GTF2A1: variants seen among roughly 807,000 people sequenced by gnomAD.
The protein encoded by GTF2A1 is transcription initiation factor IIA subunit 1.
In GTF2A1, 12 loss-of-function variants were observed where a neutral mutation model predicts 54.1. The ratio of observed to expected loss-of-function variants is 0.22; its 90% CI spans 0.14 to 0.36. GTF2A1 has a LOEUF of 0.36. Among genes scored for constraint, GTF2A1 ranks in the 10% least tolerant of loss-of-function variants. The pLI, the probability that GTF2A1 is intolerant of heterozygous loss-of-function variation, is 1.00. For synonymous variants in GTF2A1, 145 were observed against 152.0 expected (o/e 0.95, Z 0.34); for missense variants, 335 against 442.2 (o/e 0.76, Z 2.17).
intron 2 of GTF2A1, among the ~76,000 whole-genome samples, chr14:81,205,312 A>T (rs933895407): frequency 6.6e-6 from 1 of 152,120 alleles, no homozygotes; most frequent in Non-Finnish European, 1.5e-5. Context: ...CATTCCAGAC[A>T]TTCTAGATTT....
chr14:81,212,417 A>C (rs1188240372), intron 2 of GTF2A1, among the ~76,000 whole-genome samples: 1 of 152,118 alleles, frequency 6.6e-6, no homozygotes, highest in Admixed American at 6.5e-5. Flanking sequence ...TGTTTTTTCT[A>C]CCTCTCACAG....
intron 3 of GTF2A1, 115 bp downstream of exon 3, chr14:81,203,785 G>T: frequency 1.2e-6 from 1 of 815,116 alleles, no homozygotes. Context: ...TTTATTTTTA[G>T]GTTCTCCATG....
chr14:81,177,070 G>A lies in GTF2A1; in HGVS notation c.*3153C>T, dbSNP rs556677674. 18 of 152,010 alleles carry A rather than the reference G, an allele frequency of 1.2e-4. No individual in the cohort carries two copies. In the East Asian group the frequency reaches 3.3e-3, roughly 28 times the overall value. The allele number at this position is 152,010 out of a possible 1,614,324, so 9.4% of individuals were successfully genotyped here. A position where few individuals can be genotyped will look rare whatever the true frequency, so the allele number is the denominator to read the frequency against. ...AAAAGCCAGGAAAAAAAAAATCTGT[G>A]ACTTTCATTATAGCAAAAGAAAATA... On this transcript the variant is annotated 3_prime_UTR_variant, in exon 9 of 9. Transcript: ENST00000553612.
In GTF2A1 at chr14:81,197,455, T is replaced by C; in HGVS notation, c.432A>G (p.Ala144=). 6.3e-7 allele frequency: 1 copy of C among 1,591,634 alleles called. No homozygotes were observed. Among genetic ancestry groups the C allele is most frequent in the Non-Finnish European group, 8.6e-7 (1 of 1,164,548 alleles). The stretch of plus-strand genomic sequence containing the variant: ...GAACAGGAGTCACACCTGCAGGGAG[T>C]GCTAAGGTAGCAGCTGTAGCAGCAG... ...MSAAATAATL[A]LPAGVTPVQQ... The change falls in exon 5 of 9, where the codon GCA becomes GCG. Residue 144 remains alanine, a synonymous_variant. Transcript: ENST00000553612.
At chr14:81,202,110 A>G (rs1893125435) in intron 3 of GTF2A1, among the ~76,000 whole-genome samples, 1 of 150,628 alleles carries the variant, frequency 6.6e-6, no homozygotes, top group Admixed American at 6.6e-5. Context: ...AACATGGGTG[A>G]CAAGGTTCCA....
chr14:81,190,278 A>G (rs2140152275), intron 7 of GTF2A1, among the ~76,000 whole-genome samples: 1 of 152,212 alleles, frequency 6.6e-6, no homozygotes, highest in South Asian at 2.1e-4. Context: ...GAAAAAAAAA[A>G]AAGAGTTCAA....
intron 7 of GTF2A1, among the ~76,000 whole-genome samples, chr14:81,192,146 C>T (rs923446439): frequency 3.3e-5 from 5 of 152,118 alleles, no homozygotes; most frequent in Non-Finnish European, 7.4e-5. Context: ...AATGTTGCCA[C>T]GCTTTTTAAA....
chr14:81,216,738 C>T (rs1432371058), intron 1 of GTF2A1, among the ~76,000 whole-genome samples: 1 of 152,202 alleles, frequency 6.6e-6, no homozygotes, highest in East Asian at 1.9e-4. Flanking sequence ...CCTAAGACTA[C>T]AAGGTCCATA....
intron 1 of GTF2A1, among the ~76,000 whole-genome samples, chr14:81,216,891 G>T (rs1427496389): frequency 6.6e-6 from 1 of 152,136 alleles, no homozygotes; most frequent in Non-Finnish European, 1.5e-5. Flanking sequence ...CCTCACCACT[G>T]TATCTTAGAC....
rs1424570272 is a variant in GTF2A1 at position 81,185,573 on chromosome 14, T to A, written c.981A>T (p.Glu327Asp). Reference protein sequence around the residue: ...EDDVSDEEGQELFDTENVVVC... With the variant: ...EDDVSDEEGQDLFDTENVVVC... The stretch of plus-strand genomic sequence containing the variant: ...CAACAACATTTTCTGTGTCAAAGAG[T>A]TCCTGTCCTTCCTCATCACTCACAT... The change falls in exon 8 of 9, where the codon GAA (glutamate) becomes GAT (aspartate). Residue 327 changes from glutamate (E) to aspartate (D), a missense_variant. Glu to Asp is a conservative substitution (Grantham distance 45, BLOSUM62 2). Coordinates refer to ENST00000553612, the MANE Select transcript of GTF2A1 (RefSeq NM_015859.4). 6.2e-7 allele frequency: 1 copy of A among 1,600,092 alleles called. No individual in the cohort carries two copies. Among genetic ancestry groups the A allele is most frequent in the Admixed American group, 1.7e-5 (1 of 59,982 alleles).
intron 6 of GTF2A1, 40 bp from the exon 7 acceptor site, chr14:81,192,879 A>G: frequency 1.8e-6 from 2 of 1,114,126 alleles, no homozygotes; most frequent in Middle Eastern, 4.3e-4. Context: ...ACTAGTTAAG[A>G]GGATCAAGTA....
At chr14:81,183,815 C>G (rs1297877304) in intron 8 of GTF2A1, among the ~76,000 whole-genome samples, 1 of 152,168 alleles carries the variant, frequency 6.6e-6, no homozygotes. Context: ...GTTCTATGAT[C>G]TCTTCTAAAA....
At chr14:81,212,818 T>C (rs932353668) in intron 2 of GTF2A1, among the ~76,000 whole-genome samples, 1 of 152,208 alleles carries the variant, frequency 6.6e-6, no homozygotes, top group African/African-American at 2.4e-5. Flanking sequence ...CAACCACATT[T>C]TGAGTGCTTA....
rs1892726006 is a variant in GTF2A1 at position 81,185,540 on chromosome 14, T to C, written c.1014A>G (p.Gln338=). The change falls in exon 8 of 9, where the codon CAA becomes CAG. Residue 338 remains glutamine (Q), a synonymous_variant. Transcript: ENST00000553612. ...AAGATGACATCCTTACCTTATCATATTGGCATACAACAACATTTTCTGTGT... is the reference window on the plus strand; with the variant it reads ...AAGATGACATCCTTACCTTATCATACTGGCATACAACAACATTTTCTGTGT... ...LFDTENVVVC[Q]YDKIHRSKNK... 1 of 1,534,988 alleles carries C rather than the reference T, an allele frequency of 6.5e-7. No individual in the cohort carries two copies. The highest frequency in any genetic ancestry group is 9.0e-7 in the Non-Finnish European group (1 of 1,108,196).
In GTF2A1 at chr14:81,178,122, T is replaced by G. The variant is rs747976049; in HGVS notation, c.*2101A>C. The G allele has an allele frequency of 6.6e-6, 1 of 151,954 alleles. No homozygotes were observed. The highest frequency in any genetic ancestry group is 3.4e-3 in the Middle Eastern group (1 of 292). The allele number at this position is 151,954 out of a possible 1,614,324, so 9.4% of individuals were successfully genotyped here. ...TATACAACACTACTATGAATATGAA[T>G]GTTTGTCTACATAGAGGGCCCAAGA... On this transcript the variant is annotated 3_prime_UTR_variant, in exon 9 of 9. Transcript: ENST00000553612.
intron 4 of GTF2A1, among the ~76,000 whole-genome samples, chr14:81,199,019 A>T (rs1338968999): frequency 6.6e-6 from 1 of 152,186 alleles, no homozygotes; most frequent in Non-Finnish European, 1.5e-5. Flanking sequence ...ATACTCAATT[A>T]CCCAATTTAA....
chr14:81,207,607 T>G (rs1393972925), intron 2 of GTF2A1, among the ~76,000 whole-genome samples: 1 of 152,208 alleles, frequency 6.6e-6, no homozygotes. Context: ...AGGCAGAGGC[T>G]GGAACGGTTT....
rs1555388682 is a variant in GTF2A1 at position 81,180,177 on chromosome 14, A to T, written c.*46T>A. 2.4e-6 allele frequency: 2 copies of T among 827,388 alleles called. No individual in the cohort carries two copies. The highest frequency in any genetic ancestry group is 3.9e-6 in the Non-Finnish European group (2 of 508,264). The allele number at this position is 827,388 out of a possible 1,614,324, so 51.3% of individuals were successfully genotyped here. On this transcript the variant is annotated 3_prime_UTR_variant, in exon 9 of 9. Coordinates refer to ENST00000553612, the MANE Select transcript of GTF2A1 (RefSeq NM_015859.4). ...CCAAGTTTCAAACTGTCCGCTTTAC[A>T]TTTTTTTTAAGTTTCTTTTATTTAT...
intron 2 of GTF2A1, among the ~76,000 whole-genome samples, chr14:81,208,822 C>A (rs926652775): frequency 2.6e-5 from 4 of 152,194 alleles, no homozygotes; most frequent in African/African-American, 9.6e-5. Flanking sequence ...CACTGGATTT[C>A]GGACTTATAT....
Sources: allele counts gnomAD v4.1 joint callset (sites outside exome capture counted in the v4.1 genomes callset), GRCh38; gene constraint gnomAD v4.1.1; transcripts MANE v1.5; gene names NCBI Gene and HGNC (gene_info 2026-07-23, HGNC 2026-07-21).